The following SAXO2 variants were observed in gnomAD, a reference collection of about 807,000 sequenced individuals.
The protein encoded by SAXO2 is stabilizer of axonemal microtubules 2.
SAXO2 carries 17 observed loss-of-function variants against 18.7 expected under a neutral mutation model. That is an observed-to-expected ratio of 0.91 (90% confidence interval 0.62 to 1.36). The LOEUF (loss-of-function observed/expected upper bound fraction) is 1.36, where lower values mean the gene tolerates loss of function less well. SAXO2 is among the 40% of genes most tolerant of loss of function. The pLI is 0.00. For synonymous variants in SAXO2, 163 were observed against 181.2 expected, an observed-to-expected ratio of 0.90 and a Z score of 0.81; for missense variants, 486 against 562.6, an observed-to-expected ratio of 0.86 and a Z score of 1.38.
chr15:82,278,545 C>T (rs965104269), intron 3 of SAXO2, among the ~76,000 whole-genome samples: 3 of 152,156 alleles, frequency 2.0e-5, no homozygotes, highest in African/African-American at 7.2e-5. Context: ...ACGACACTAT[C>T]AACAATGTTG....
intron 2 of SAXO2, among the ~76,000 whole-genome samples, chr15:82,271,035 G>A (rs757902175): frequency 1.3e-5 from 2 of 152,156 alleles, no homozygotes; most frequent in Non-Finnish European, 2.9e-5. Context: ...TCCATGACAA[G>A]GACTTCTGGG....
chr15:82,281,981 T>C (rs2075365230), intron 3 of SAXO2, 138 bp from the exon 4 acceptor site: 2 of 722,090 alleles, frequency 2.8e-6, no homozygotes, highest in Admixed American at 3.0e-5. Flanking sequence ...TCAGAGAAAC[T>C]GTATTCTGAT....
At position 82,265,687 on chromosome 15, in the gene SAXO2, C is replaced by G; in HGVS notation, c.172C>G (p.Leu58Val). ...TGACAATGTTCTTCCACCTCAGAGT[C>G]TTAAAGCCAAGCAAGAAATTCGAGC... ...MYDNVLPPQS[L>V]KAKQEIRACH... The change falls in exon 2 of 4, where the codon CTT (leucine) becomes GTT (valine). Residue 58 changes from leucine (L) to valine (V), a missense_variant. By Grantham distance (32) the Leu-to-Val change is conservative. Coordinates refer to ENST00000682753, the MANE Select transcript of SAXO2 (RefSeq NM_001348699.2). The G allele has an allele frequency of 6.5e-7, 1 of 1,527,542 alleles. No individual in the cohort carries two copies. The highest frequency in any genetic ancestry group is 8.7e-7 in the Non-Finnish European group (1 of 1,143,776). 94.6% of individuals were successfully genotyped at this position (1,527,542 alleles called of 1,614,324 possible).
intron 2 of SAXO2, 87 bp downstream of exon 2, chr15:82,265,835 T>A: frequency 1.0e-6 from 1 of 996,906 alleles, no homozygotes. Context: ...TAAATTGAAC[T>A]GTTCAGTTGA....
At chr15:82,267,183 A>G (rs1245796286) in intron 2 of SAXO2, among the ~76,000 whole-genome samples, 1 of 152,240 alleles carries the variant, frequency 6.6e-6, no homozygotes, top group African/African-American at 2.4e-5. Flanking sequence ...TATGTGCCCA[A>G]GGTGGTCAGA....
At chr15:82,265,299 G>A (rs112239515) in intron 1 of SAXO2, among the ~76,000 whole-genome samples, 26,276 of 151,926 alleles carry the variant, frequency 0.17, 2,465 homozygotes, top group South Asian at 0.39. Context: ...CCGCCACCAC[G>A]CCTGGCTAAT....
In SAXO2 at chr15:82,282,927, T is replaced by C. The variant is rs774785783; in HGVS notation, c.1242T>C (p.Ser414=). ...CATTTGATGATGTAACCATGTACTC[T>C]GTAGAGTACACACCGAAAAGACAGG... The part of the protein sequence containing the change: ...SVPFDDVTMY[S]VEYTPKRQEI... Residue 414 remains serine (S), a synonymous_variant, in exon 4 of 4, where the codon TCT becomes TCC. Coordinates refer to ENST00000682753, the MANE Select transcript of SAXO2 (RefSeq NM_001348699.2). The C allele has an allele frequency of 2.5e-6, 4 of 1,614,148 alleles. No individual in the cohort carries two copies. Among genetic ancestry groups the C allele is most frequent in the Non-Finnish European group, 3.4e-6 (4 of 1,180,008 alleles).
intron 1 of SAXO2, 59 bp downstream of exon 1, chr15:82,262,991 T>C: frequency 6.4e-7 from 1 of 1,564,322 alleles, no homozygotes; most frequent in Non-Finnish European, 8.7e-7. Context: ...AGGGCCTAGG[T>C]GCACGGAGCC....
Position 82,266,249 on chromosome 15 carries a change from G to T in SAXO2, c.233+501G>T, listed in dbSNP as rs938757614. On this transcript the variant is annotated intron_variant, in intron 2 of 3. Transcript: ENST00000682753. ...CTGGGCTGCATGCAGCCCATAGGCC[G>T]CAGGTTGGACAAGCCTGACCTAGAG... 2.6e-5 allele frequency among the ~76,000 whole-genome samples: 4 copies of T among 152,300 alleles called. No homozygotes were observed. The East Asian group carries it at 7.7e-4, about 29-fold the overall frequency.
intron 2 of SAXO2, among the ~76,000 whole-genome samples, chr15:82,266,004 T>G (rs777690712): frequency 6.6e-6 from 1 of 152,112 alleles, no homozygotes; most frequent in Non-Finnish European, 1.5e-5. Context: ...TATCTCATAT[T>G]TATCTACTTT....
Position 82,271,795 on chromosome 15 carries a change from CTATAAAGGTAACTTG to C in SAXO2, c.427_433+8del, listed in dbSNP as rs1327750702. 1 of 1,611,158 alleles carries C rather than the reference CTATAAAGGTAACTTG, an allele frequency of 6.2e-7. No individual in the cohort carries two copies. Among genetic ancestry groups the C allele is most frequent in the Non-Finnish European group, 8.5e-7 (1 of 1,179,260 alleles). ...AAGGAAAATTGGACACTGTCCCAAC[CTATAAAGGTAACTTG>C]CTGTTTCATACATGAAGGAGCCAAA... On this transcript the variant is annotated splice_donor_variant and splice_donor_5th_base_variant and coding_sequence_variant and intron_variant, in exon 3 of 4. Coordinates refer to ENST00000682753, the MANE Select transcript of SAXO2 (RefSeq NM_001348699.2). LOFTEE classifies it high-confidence loss of function.
chr15:82,271,873 A>G, intron 3 of SAXO2, 71 bp downstream of exon 3: 1 of 1,327,640 alleles, frequency 7.5e-7, no homozygotes, highest in Non-Finnish European at 1.1e-6. Flanking sequence ...ATCTAATATC[A>G]AATTATAACT....
At position 82,282,188 on chromosome 15, in the gene SAXO2, C is replaced by A; in HGVS notation, c.503C>A (p.Thr168Asn). 1 of 1,614,050 alleles carries A rather than the reference C, an allele frequency of 6.2e-7. No homozygotes were observed. Among genetic ancestry groups the A allele is most frequent in the Non-Finnish European group, 8.5e-7 (1 of 1,179,928 alleles). ...YKPEQTYHPP[T>N]VKFGNSTTFQ... ...CCAGAACAAACTTACCACCCGCCTA[C>A]TGTGAAATTTGGAAATTCAACTACA... The change falls in exon 4 of 4, where the codon ACT becomes AAT. Residue 168 changes from threonine to asparagine, a missense_variant. Physicochemically the swap from Thr to Asn is moderately conservative, Grantham distance 65. Coordinates refer to ENST00000682753, the MANE Select transcript of SAXO2 (RefSeq NM_001348699.2).
At chr15:82,263,402 G>T in intron 1 of SAXO2, 1 of 719,702 alleles carries the variant, frequency 1.4e-6, no homozygotes, top group South Asian at 1.5e-5. Flanking sequence ...TCCCGTCCAG[G>T]CAGCAGTTCT....
chr15:82,279,148 G>T (rs2075340615), intron 3 of SAXO2, among the ~76,000 whole-genome samples: 1 of 152,094 alleles, frequency 6.6e-6, no homozygotes, highest in African/African-American at 2.4e-5. Flanking sequence ...GTTAATAAAT[G>T]AAAAGAGAGA....
chr15:82,265,885 G>T, intron 2 of SAXO2, 137 bp downstream of exon 2: 2 of 476,594 alleles, frequency 4.2e-6, no homozygotes, highest in Non-Finnish European at 6.6e-6. Context: ...GACTAGTTAA[G>T]TCACAACTTG....
rs149495067 is a variant in SAXO2 at position 82,262,824 on chromosome 15, G to A, written c.-56G>A. On this transcript the variant is annotated 5_prime_UTR_variant, in exon 1 of 4. Transcript: ENST00000682753. Reference sequence around the variant, plus strand: ...GGCATCCCTCTGTTGCCTTGACTACGGCGGGCGCTGTGGGAGTGGAGAAGC... The same window carrying A: ...GGCATCCCTCTGTTGCCTTGACTACAGCGGGCGCTGTGGGAGTGGAGAAGC... 30 of 1,545,804 alleles carry A rather than the reference G, an allele frequency of 1.9e-5. No homozygotes were observed. The African/African-American group carries it at 4.0e-4, about 21-fold the overall frequency.
intron 3 of SAXO2, among the ~76,000 whole-genome samples, chr15:82,273,386 A>C (rs2075288849): frequency 6.6e-6 from 1 of 152,230 alleles, no homozygotes; most frequent in Non-Finnish European, 1.5e-5. Context: ...TACCATCAAT[A>C]ATCAAAGTAA....
At chr15:82,279,871 G>T (rs941028557) in intron 3 of SAXO2, among the ~76,000 whole-genome samples, 6 of 152,176 alleles carry the variant, frequency 3.9e-5, no homozygotes, top group African/African-American at 1.4e-4. Flanking sequence ...GCAAGTGCAT[G>T]CAGGCACTTC....
Sources: gnomAD v4.1 joint callset for allele counts (sites outside exome capture counted in the v4.1 genomes callset) on GRCh38, gnomAD v4.1.1 for gene constraint, MANE v1.5 for transcripts, NCBI Gene and HGNC (gene_info 2026-07-23, HGNC 2026-07-21) for gene names.